Variants in TMEM255B observed in about 807,000 individuals in gnomAD.
TMEM255B encodes transmembrane protein 255B.
Under a neutral mutation model 34.5 loss-of-function variants are expected in TMEM255B, and 35 were observed. The observed-to-expected ratio is 1.01, with a 90% confidence interval of 0.77 to 1.34. The LOEUF is 1.34. TMEM255B is among the 40% of genes most tolerant of loss of function. TMEM255B has a pLI of 0.00. For synonymous variants in TMEM255B, 206 were observed against 201.2 expected (o/e 1.02, Z -0.20); for missense variants, 432 against 433.2 (o/e 1.00, Z 0.02).
chr13:113,763,357 A>G (rs985321012), intron 1 of TMEM255B, among the ~76,000 whole-genome samples: 2 of 152,242 alleles, frequency 1.3e-5, no homozygotes, highest in Admixed American at 1.3e-4. Context: ...CGAATCAACC[A>G]GAACGGAGTT....
intron 3 of TMEM255B, among the ~76,000 whole-genome samples, chr13:113,772,049 T>A (rs2050487247): frequency 6.6e-6 from 1 of 152,240 alleles, no homozygotes; most frequent in Admixed American, 6.5e-5. Flanking sequence ...TAATGTGTGA[T>A]AAGTGGTATC....
At chr13:113,790,245 C>T (rs1287254804) in intron 3 of TMEM255B, among the ~76,000 whole-genome samples, 1 of 118,678 alleles carries the variant, frequency 8.4e-6, no homozygotes, top group Admixed American at 8.9e-5. Flanking sequence ...TGACCGGGCA[C>T]GTGGGCATCC....
intron 3 of TMEM255B, among the ~76,000 whole-genome samples, chr13:113,775,030 CAT>C (rs910224280): frequency 9.6e-5 from 10 of 103,820 alleles, no homozygotes; most frequent in Admixed American, 7.1e-4. Flanking sequence ...ACACACCACA[CAT>C]GACACACATT....
At chr13:113,764,586 G>C (rs1460157847) in intron 1 of TMEM255B, among the ~76,000 whole-genome samples, 1 of 152,210 alleles carries the variant, frequency 6.6e-6, no homozygotes, top group African/African-American at 2.4e-5. Context: ...CACATCCGGA[G>C]CGCCCTGTCC....
At position 113,776,448 on chromosome 13, in the gene TMEM255B, G is replaced by A. The variant is rs190059736; in HGVS notation, c.252+7288G>A. Among the ~76,000 whole-genome samples the A allele has an allele frequency of 2.0e-3, 299 of 152,268 alleles. 1 individual carries two copies. The highest frequency in any genetic ancestry group is 6.6e-3 in the African/African-American group (276 of 41,538). ...CTGCGGGCGGCACCTGCTTCCTGTC[G>A]TCCTCCCGACAGCTACGTCCAGCCC... On this transcript the variant is annotated intron_variant, in intron 3 of 8. Transcript: ENST00000375353.
At chr13:113,799,968 C>A in intron 5 of TMEM255B, 1 of 1,278,718 alleles carries the variant, frequency 7.8e-7, no homozygotes, top group Non-Finnish European at 1.0e-6. Context: ...CTCTCATCCT[C>A]AGCACGCGTG....
chr13:113,773,077 A>C (rs1254469297), intron 3 of TMEM255B, among the ~76,000 whole-genome samples: 1 of 152,234 alleles, frequency 6.6e-6, no homozygotes, highest in African/African-American at 2.4e-5. Context: ...TTTTAAAACA[A>C]TGTTTTGTAG....
intron 2 of TMEM255B, among the ~76,000 whole-genome samples, chr13:113,767,290 T>C (rs772411193): frequency 3.3e-5 from 5 of 152,264 alleles, no homozygotes; most frequent in African/African-American, 9.6e-5. Flanking sequence ...GTGTATAGTT[T>C]ATGAATAAAC....
chr13:113,759,246 G>A lies in TMEM255B; in HGVS notation c.-24G>A. 4.1e-6 allele frequency: 5 copies of A among 1,227,586 alleles called. No homozygotes were observed. The highest frequency in any genetic ancestry group is 4.2e-5 in the Admixed American group (1 of 23,550). The allele number at this position is 1,227,586 out of a possible 1,614,324, so 76.0% of individuals were successfully genotyped here. A position where few individuals can be genotyped will look rare whatever the true frequency, so the allele number is the denominator to read the frequency against. ...GCGGCGGGACTGTGGCTGTGGCCCC[G>A]GGAGAGCCGGGTGGGGCCTCGGGAT... is the stretch of plus-strand genomic sequence containing the variant. On this transcript the variant is annotated 5_prime_UTR_variant, in exon 1 of 9. Coordinates refer to ENST00000375353, the MANE Select transcript of TMEM255B (RefSeq NM_182614.4).
At chr13:113,766,528 G>A (rs769939283) in intron 2 of TMEM255B, 32 of 535,196 alleles carry the variant, frequency 6.0e-5, no homozygotes, top group Non-Finnish European at 8.3e-5. Context: ...GTCTGGGTTG[G>A]CCCGATGTGG....
intron 8 of TMEM255B, among the ~76,000 whole-genome samples, chr13:113,810,261 A>G (rs1479682448): frequency 6.8e-6 from 1 of 146,686 alleles, no homozygotes; most frequent in African/African-American, 2.5e-5. Flanking sequence ...AGTTTGAAAA[A>G]CTCTTCCTGT....
chr13:113,777,822 G>A (rs2050604507), intron 3 of TMEM255B, among the ~76,000 whole-genome samples: 1 of 152,202 alleles, frequency 6.6e-6, no homozygotes, highest in Admixed American at 6.5e-5. Flanking sequence ...GCCTTCCTGG[G>A]TGGGTGCTGC....
chr13:113,804,176 G>T (rs553278197), intron 7 of TMEM255B, among the ~76,000 whole-genome samples: 2 of 152,358 alleles, frequency 1.3e-5, no homozygotes, highest in East Asian at 1.9e-4. Flanking sequence ...CCCTCCCTCT[G>T]TAGGGGATGA....
rs562456162 is a variant in TMEM255B at position 113,782,677 on chromosome 13, G to A, written c.253-12471G>A. On this transcript the variant is annotated intron_variant, in intron 3 of 8. Coordinates refer to ENST00000375353, the MANE Select transcript of TMEM255B (RefSeq NM_182614.4). ...AGATTTCCTCCTGTGATGGTCGGAGGGGGGGGCTTCATTATGAGCCCCACC... is the reference window on the plus strand; with the variant it reads ...AGATTTCCTCCTGTGATGGTCGGAGAGGGGGGCTTCATTATGAGCCCCACC... 1.3e-3 allele frequency among the ~76,000 whole-genome samples: 191 copies of A among 150,338 alleles called. 1 individual carries two copies. The highest frequency in any genetic ancestry group is 4.4e-3 in the African/African-American group (179 of 40,334).
chr13:113,774,215 A>T (rs980638617), intron 3 of TMEM255B, among the ~76,000 whole-genome samples: 4 of 152,114 alleles, frequency 2.6e-5, no homozygotes, highest in Admixed American at 6.5e-5. Context: ...CACTTAAGGG[A>T]TGAAATCTGA....
At chr13:113,795,780 CA>C (rs1456977104) in intron 4 of TMEM255B, among the ~76,000 whole-genome samples, 1 of 127,090 alleles carries the variant, frequency 7.9e-6, no homozygotes, top group Non-Finnish European at 1.6e-5. Flanking sequence ...AGCACACACA[CA>C]ACAGAGCACA....
intron 5 of TMEM255B, chr13:113,800,019 C>G: frequency 8.1e-7 from 1 of 1,231,472 alleles, no homozygotes; most frequent in Non-Finnish European, 1.0e-6. Flanking sequence ...GTGGCCAGCA[C>G]CTGCCAGCTT....
intron 3 of TMEM255B, among the ~76,000 whole-genome samples, chr13:113,780,709 T>C (rs1331649275): frequency 6.6e-6 from 1 of 152,188 alleles, no homozygotes; most frequent in Non-Finnish European, 1.5e-5. Context: ...CAGAAACCTG[T>C]ATTGAAGAGC....
chr13:113,811,604 G>A, intron 8 of TMEM255B, 132 bp from the exon 9 acceptor site: 1 of 942,726 alleles, frequency 1.1e-6, no homozygotes, highest in Non-Finnish European at 1.5e-6. Context: ...ATGGCCCTGA[G>A]TCTGCGGGTG....
Sources: gnomAD v4.1 joint callset for allele counts (sites outside exome capture counted in the v4.1 genomes callset) on GRCh38, gnomAD v4.1.1 for gene constraint, MANE v1.5 for transcripts, NCBI Gene and HGNC (gene_info 2026-07-23, HGNC 2026-07-21) for gene names.